The following NPHP1 variants were observed in gnomAD, a reference collection of about 807,000 sequenced individuals.
NPHP1 encodes the protein nephrocystin-1.
Under a neutral mutation model 90.4 loss-of-function variants are expected in NPHP1, and 70 were observed. The observed-to-expected ratio is 0.77, with a 90% CI of 0.64 to 0.95. The LOEUF (loss-of-function observed/expected upper bound fraction) is 0.95. NPHP1 is among the 40% of genes least tolerant of loss of function. NPHP1 has a pLI of 0.00. For missense variants in NPHP1, 764 were observed against 795.9 expected (o/e 0.96, Z 0.48); for synonymous variants, 256 against 271.7 (o/e 0.94, Z 0.57).
chr2:110,155,755 A>G (rs1681844289), intron 11 of NPHP1, among the ~76,000 whole-genome samples: 1 of 152,144 alleles, frequency 6.6e-6, no homozygotes, highest in African/African-American at 2.4e-5. Flanking sequence ...CTGTACCTCC[A>G]TTGTATCTGG....
In NPHP1 at chr2:110,175,549, G is replaced by C. The variant is rs1382353697; in HGVS notation, c.329+2874C>G. 2.6e-5 allele frequency among the ~76,000 whole-genome samples: 4 copies of C among 152,080 alleles called. No homozygotes were observed. In the East Asian group the frequency reaches 7.7e-4, roughly 29 times the overall value. ...CTGTTACTGCATTGTCTTCTGACCT[G>C]TATTTTTTCTCATAAGATGTCAACT... On this transcript the variant is annotated intron_variant, in intron 4 of 19. Transcript: ENST00000445609.
Position 110,177,744 on chromosome 2 carries a change from A to ATT in NPHP1, c.329+677_329+678dup, listed in dbSNP as rs60724853. Among the ~76,000 whole-genome samples, 271 of 146,044 alleles carry ATT rather than the reference A, an allele frequency of 1.9e-3. 1 individual carries two copies. Among genetic ancestry groups the ATT allele is most frequent in the African/African-American group, 6.3e-3 (253 of 40,124 alleles). On this transcript the variant is annotated intron_variant, in intron 4 of 19. Coordinates refer to ENST00000445609, the MANE Select transcript of NPHP1 (RefSeq NM_001128178.3). ...ACAAACAATGCATGTCCCTACTTCA[A>ATT]TTTTTTTTTTTTTTAATAGAGACAG...
chr2:110,133,484 G>T (rs369377781), intron 16 of NPHP1, among the ~76,000 whole-genome samples: 4 of 151,990 alleles, frequency 2.6e-5, no homozygotes, highest in East Asian at 1.9e-4. Flanking sequence ...TTTCGATAAG[G>T]TATAGAACAA....
At chr2:110,124,120 T>C in intron 19 of NPHP1, 57 bp from the exon 20 acceptor site, 4 of 1,600,736 alleles carry the variant, frequency 2.5e-6, no homozygotes, top group Non-Finnish European at 3.4e-6. Flanking sequence ...TTAAATTCTG[T>C]GAACTCTATT....
At chr2:110,190,255 C>T (rs907088874) in intron 2 of NPHP1, among the ~76,000 whole-genome samples, 6 of 152,160 alleles carry the variant, frequency 3.9e-5, no homozygotes, top group African/African-American at 2.4e-5. Context: ...CTTGGGTGGT[C>T]GATGGGACTG....
intron 11 of NPHP1, among the ~76,000 whole-genome samples, chr2:110,153,709 C>T (rs75580647): frequency 0.011 from 1,725 of 152,082 alleles, 30 homozygotes; most frequent in African/African-American, 0.04. Flanking sequence ...GGGGCGGGTG[C>T]GGTAGCTCAC....
At chr2:110,149,475 T>C (rs1681306817) in intron 12 of NPHP1, among the ~76,000 whole-genome samples, 1 of 152,074 alleles carries the variant, frequency 6.6e-6, no homozygotes, top group South Asian at 2.1e-4. Flanking sequence ...TCTCGACAAG[T>C]CTGGACAGGC....
intron 11 of NPHP1, among the ~76,000 whole-genome samples, chr2:110,153,091 G>A (rs1559065563): frequency 2.0e-4 from 30 of 151,932 alleles, no homozygotes; most frequent in Non-Finnish European, 1.5e-5. Context: ...TAGCCAACAG[G>A]AAAAAAACAA....
chr2:110,155,594 C>T (rs1003069152), intron 11 of NPHP1, among the ~76,000 whole-genome samples: 9 of 152,286 alleles, frequency 5.9e-5, no homozygotes, highest in South Asian at 2.1e-4. Flanking sequence ...CTTACATCAG[C>T]GTGACCTGGA....
chr2:110,196,487 T>C (rs1685175931), intron 2 of NPHP1, among the ~76,000 whole-genome samples: 1 of 152,076 alleles, frequency 6.6e-6, no homozygotes, highest in Non-Finnish European at 1.5e-5. Context: ...ATGGCGATCA[T>C]TAAAAAGTCA....
chr2:110,160,651 T>A (rs769493226), intron 10 of NPHP1, among the ~76,000 whole-genome samples: 46 of 152,326 alleles, frequency 3.0e-4, no homozygotes, highest in Non-Finnish European at 6.0e-4. Context: ...TTATCCCCAC[T>A]ATTTTTTATT....
chr2:110,159,551 A>C (rs1026998467), intron 11 of NPHP1, among the ~76,000 whole-genome samples: 1 of 152,000 alleles, frequency 6.6e-6, no homozygotes, highest in Non-Finnish European at 1.5e-5. Context: ...CAATGTTGTC[A>C]AATTTACTGG....
chr2:110,197,495 G>C (rs184175195), intron 2 of NPHP1, among the ~76,000 whole-genome samples: 8 of 152,130 alleles, frequency 5.3e-5, no homozygotes, highest in African/African-American at 1.9e-4. Context: ...CTGCAGGCAG[G>C]GTGAGCAGGG....
Position 110,125,192 on chromosome 2 carries a change from T to C in NPHP1, c.1761+445A>G. 3.9e-6 allele frequency: 6 copies of C among 1,531,912 alleles called. 1 individual carries two copies. Among genetic ancestry groups the C allele is most frequent in the Middle Eastern group, 3.3e-4 (2 of 5,974 alleles). 94.9% of individuals were successfully genotyped at this position (1,531,912 alleles called of 1,614,324 possible). ...GAGCAGTCAAACCACGACTCACCGATTAAAGCAAGTTCGGATTGGTAATTA... is the reference window on the plus strand; with the variant it reads ...GAGCAGTCAAACCACGACTCACCGACTAAAGCAAGTTCGGATTGGTAATTA... On this transcript the variant is annotated intron_variant, in intron 19 of 19. Coordinates refer to ENST00000445609, the MANE Select transcript of NPHP1 (RefSeq NM_001128178.3).
chr2:110,194,616 C>T (rs1264325191), intron 2 of NPHP1, among the ~76,000 whole-genome samples: 2 of 152,118 alleles, frequency 1.3e-5, no homozygotes, highest in Non-Finnish European at 2.9e-5. Flanking sequence ...GAAACTATTC[C>T]AATCAATAGA....
At chr2:110,185,268 CTGTG>C (rs549151646) in intron 2 of NPHP1, 55 of 471,378 alleles carry the variant, frequency 1.2e-4, no homozygotes, top group Non-Finnish European at 1.9e-4. Context: ...GAGGAATTGC[CTGTG>C]TGTGTGAGTG....
chr2:110,162,848 G>A (rs1682443126), intron 9 of NPHP1, among the ~76,000 whole-genome samples, 200 bp downstream of exon 9: 1 of 152,164 alleles, frequency 6.6e-6, no homozygotes, highest in African/African-American at 2.4e-5. Flanking sequence ...GGAACCCGGA[G>A]CACTGGTAAA....
intron 4 of NPHP1, among the ~76,000 whole-genome samples, chr2:110,172,835 C>T (rs74879953): frequency 0.013 from 2,036 of 152,128 alleles, 49 homozygotes; most frequent in African/African-American, 0.047. Flanking sequence ...CTGGTTGCAA[C>T]CCAGTCATTT....
intron 12 of NPHP1, among the ~76,000 whole-genome samples, chr2:110,149,143 T>A (rs1276478491): frequency 1.3e-5 from 2 of 152,178 alleles, no homozygotes; most frequent in African/African-American, 4.8e-5. Context: ...CATAAGTAGA[T>A]GATATTGTTA....
Sources: gnomAD v4.1 joint callset for allele counts (sites outside exome capture counted in the v4.1 genomes callset) on GRCh38, gnomAD v4.1.1 for gene constraint, MANE v1.5 for transcripts, NCBI Gene and HGNC (gene_info 2026-07-23, HGNC 2026-07-21) for gene names.